Variants in SHROOM4 observed in about 807,000 individuals in gnomAD.
SHROOM4 encodes shroom family member 4.
Under a neutral mutation model 80.3 loss-of-function variants are expected in SHROOM4, and 17 were observed. The ratio of observed to expected loss-of-function variants is 0.21; its 90% confidence interval spans 0.14 to 0.32. The LOEUF (loss-of-function observed/expected upper bound fraction) is 0.32, where lower values mean the gene tolerates loss of function less well. Ranked by LOEUF, SHROOM4 falls within the 10% of genes least tolerant of loss-of-function variation. The pLI is 1.00. For missense variants in SHROOM4, 993 were observed against 1,140.3 expected (o/e 0.87, Z 1.86); for synonymous variants, 400 against 437.5 (o/e 0.91, Z 1.07).
rs1485184043 is a variant in SHROOM4 at position 50,588,808 on chromosome X, T to C, written c.*7887A>G. Among the ~76,000 whole-genome samples, 3 of 112,449 alleles carry C rather than the reference T, an allele frequency of 2.7e-5. No individual in the cohort carries two copies. The highest frequency in any genetic ancestry group is 5.6e-5 in the Non-Finnish European group (3 of 53,320). On this transcript the variant is annotated 3_prime_UTR_variant, in exon 9 of 9. Coordinates refer to ENST00000376020, the MANE Select transcript of SHROOM4 (RefSeq NM_020717.5). ...CAGACATTATTTTAAGTGCTTCATG[T>C]GAATTATCTCATTTAATCAACATAG...
chrX:50,689,312 A>G (rs894603332), intron 2 of SHROOM4, among the ~76,000 whole-genome samples: 7 of 111,987 alleles, frequency 6.3e-5, no homozygotes, highest in African/African-American at 1.6e-4. Context: ...CTGAGCTTCA[A>G]AAATGAAGGG....
At chrX:50,791,577 CTTTTTT>C (rs782127144) in intron 1 of SHROOM4, among the ~76,000 whole-genome samples, 6 of 57,988 alleles carry the variant, frequency 1.0e-4, no homozygotes, top group African/African-American at 3.6e-4. Context: ...CCATGCCTGA[CTTTTTT>C]TTTTTTTTTT....
At chrX:50,612,810 TGA>T (rs1557250125) in intron 5 of SHROOM4, among the ~76,000 whole-genome samples, 1 of 109,507 alleles carries the variant, frequency 9.1e-6, no homozygotes, top group African/African-American at 3.4e-5. Context: ...AAAATGTATT[TGA>T]TAACAATTCA....
At chrX:50,620,666 C>A (rs1271337674) in intron 5 of SHROOM4, among the ~76,000 whole-genome samples, 1 of 111,739 alleles carries the variant, frequency 8.9e-6, no homozygotes, top group Non-Finnish European at 1.9e-5. Flanking sequence ...TAGCATTTTA[C>A]AATTTCTATT....
chrX:50,634,419 C>T lies in SHROOM4; in HGVS notation c.1654G>A (p.Ala552Thr). The change falls in exon 4 of 9, where the codon GCA (alanine) becomes ACA (threonine). Residue 552 changes from alanine to threonine, a missense_variant. Ala to Thr is a moderately conservative substitution (Grantham distance 58). Coordinates refer to ENST00000376020, the MANE Select transcript of SHROOM4 (RefSeq NM_020717.5). The part of the protein sequence containing the change: ...STTKAASGTE[A>T]GEEGDSEPKE... ...GGCTCGCTGTCCCCTTCTTCACCTG[C>T]CTCTGTGCCACTAGCTGCTTTAGTG... The T allele has an allele frequency of 8.3e-7, 1 of 1,211,600 alleles. No individual in the cohort carries two copies. Among genetic ancestry groups the T allele is most frequent in the Non-Finnish European group, 1.1e-6 (1 of 895,388 alleles).
chrX:50,684,731 G>GA (rs1557262087), intron 2 of SHROOM4, among the ~76,000 whole-genome samples: 1 of 111,752 alleles, frequency 8.9e-6, no homozygotes, highest in African/African-American at 3.3e-5. Flanking sequence ...AGGGAGAGTG[G>GA]AAATTAAAGG....
At chrX:50,762,009 C>T (rs1333539452) in intron 1 of SHROOM4, among the ~76,000 whole-genome samples, 1 of 111,628 alleles carries the variant, frequency 9.0e-6, no homozygotes, top group African/African-American at 3.3e-5. Flanking sequence ...CAGTTTTATA[C>T]TAACTTAATT....
At chrX:50,712,863 T>A (rs1385390240) in intron 1 of SHROOM4, among the ~76,000 whole-genome samples, 1 of 111,520 alleles carries the variant, frequency 9.0e-6, no homozygotes, top group Admixed American at 9.5e-5. Context: ...TTCCCCTTGA[T>A]GCGTATCCCA....
chrX:50,697,907 TC>T (rs1933415778), intron 1 of SHROOM4, among the ~76,000 whole-genome samples: 1 of 112,136 alleles, frequency 8.9e-6, no homozygotes, highest in Non-Finnish European at 1.9e-5. Context: ...GTCAGAACTT[TC>T]AACAGGGATC....
chrX:50,731,408 G>A (rs781785171), intron 1 of SHROOM4, among the ~76,000 whole-genome samples: 1 of 111,523 alleles, frequency 9.0e-6, no homozygotes, highest in Non-Finnish European at 1.9e-5. Context: ...CTTCTGAAGG[G>A]AACAGGACTT....
At chrX:50,666,072 A>G (rs1460177836) in intron 2 of SHROOM4, among the ~76,000 whole-genome samples, 1 of 112,299 alleles carries the variant, frequency 8.9e-6, no homozygotes, top group Non-Finnish European at 1.9e-5. Context: ...CCGTTTATAC[A>G]GGGAAAATAG....
intron 2 of SHROOM4, among the ~76,000 whole-genome samples, chrX:50,687,669 T>G (rs1311103270): frequency 9.0e-6 from 1 of 111,244 alleles, no homozygotes; most frequent in East Asian, 2.8e-4. Flanking sequence ...GGCAGTTCCT[T>G]TTCATAATCT....
At chrX:50,727,043 G>A (rs938017367) in intron 1 of SHROOM4, among the ~76,000 whole-genome samples, 25 of 113,226 alleles carry the variant, frequency 2.2e-4, no homozygotes, top group African/African-American at 7.7e-4. Context: ...AAGGCCTTCG[G>A]AGCCCCTCCT....
rs199903048 is a variant in SHROOM4 at position 50,794,961 on chromosome X, CAT to C, written c.117+18939_117+18940del. Among the ~76,000 whole-genome samples the C allele has an allele frequency of 6.6e-3, 600 of 90,679 alleles. 4 individuals are homozygous for C. Among genetic ancestry groups the C allele is most frequent in the African/African-American group, 0.024 (575 of 24,001 alleles). 78.7% of individuals were successfully genotyped at this position (90,679 alleles called of 115,157 possible). The stretch of plus-strand genomic sequence containing the variant: ...AAATATATATAAATATAGGTGTGTG[CAT>C]ATATATATATCTCATACATGATATA... On this transcript the variant is annotated intron_variant, in intron 1 of 8. Transcript: ENST00000376020.
intron 1 of SHROOM4, among the ~76,000 whole-genome samples, chrX:50,725,997 G>C (rs186535726): frequency 5.1e-4 from 57 of 111,964 alleles, no homozygotes; most frequent in Middle Eastern, 9.2e-3. Flanking sequence ...CTGATTGATG[G>C]TGTTATGGAC....
chrX:50,614,872 T>C (rs1481697130), intron 5 of SHROOM4, among the ~76,000 whole-genome samples: 1 of 112,457 alleles, frequency 8.9e-6, no homozygotes, highest in Non-Finnish European at 1.9e-5. Flanking sequence ...TATGGAACAC[T>C]ATGTAGCGTT....
chrX:50,604,697 C>A (rs1290701032), intron 6 of SHROOM4, among the ~76,000 whole-genome samples: 1 of 111,928 alleles, frequency 8.9e-6, no homozygotes, highest in Non-Finnish European at 1.9e-5. Context: ...CACATCCCTG[C>A]ATCATATTAT....
At chrX:50,675,097 G>A (rs999832651) in intron 2 of SHROOM4, among the ~76,000 whole-genome samples, 1 of 111,723 alleles carries the variant, frequency 9.0e-6, no homozygotes, top group African/African-American at 3.2e-5. Context: ...TATGTTCAAG[G>A]AGGCTAAATG....
intron 1 of SHROOM4, among the ~76,000 whole-genome samples, chrX:50,743,100 T>C (rs1459782400): frequency 1.7e-5 from 1 of 60,104 alleles, no homozygotes. Flanking sequence ...ACATAACCCA[T>C]TCAGTAGTGT....
Sources: allele counts gnomAD v4.1 joint callset (sites outside exome capture counted in the v4.1 genomes callset), GRCh38; gene constraint gnomAD v4.1.1; transcripts MANE v1.5; gene names NCBI Gene and HGNC (gene_info 2026-07-23, HGNC 2026-07-21).